The following APBB1IP variants were observed in gnomAD, a reference collection of about 807,000 sequenced individuals.
APBB1IP encodes amyloid beta A4 precursor protein-binding family B member 1-interacting protein.
Under a neutral mutation model 64.9 loss-of-function variants are expected in APBB1IP, and 27 were observed. That is an observed-to-expected ratio of 0.42 (90% CI 0.31 to 0.57). APBB1IP has a LOEUF of 0.57. Among genes scored for constraint, APBB1IP ranks in the 20% least tolerant of loss-of-function variants. APBB1IP has a pLI of 0.20. For missense variants in APBB1IP, 812 were observed against 845.5 expected (o/e 0.96, Z 0.49); for synonymous variants, 392 against 331.0 (o/e 1.18, Z -2.00).
At position 26,501,094 on chromosome 10, in the gene APBB1IP, C is replaced by G. The variant is rs769724583; in HGVS notation, c.436C>G (p.Pro146Ala). ...VLDLPLPPPP[P>A]EPLSQEEEEA... ...AGACCTTCCACTGCCACCACCACCT[C>G]CTGAACCTCTCTCTCAGGTAAGTAT... The change falls in exon 5 of 15, where the codon CCT (proline) becomes GCT (alanine). Residue 146 changes from proline to alanine, a missense_variant. By Grantham distance (27) the Pro-to-Ala change is conservative. Around this residue, in one of 3 missense-constraint regions of APBB1IP, gnomAD observed 394 missense variants for 413.1 expected, o/e 0.95. Coordinates refer to ENST00000376236, the MANE Select transcript of APBB1IP (RefSeq NM_019043.4). The G allele has an allele frequency of 6.2e-7, 1 of 1,614,210 alleles. No homozygotes were observed. The highest frequency in any genetic ancestry group is 1.7e-5 in the Admixed American group (1 of 60,018).
intron 9 of APBB1IP, among the ~76,000 whole-genome samples, chr10:26,535,047 A>G (rs752050370): frequency 6.6e-6 from 1 of 152,166 alleles, no homozygotes; most frequent in Non-Finnish European, 1.5e-5. Context: ...GAGGATGTTG[A>G]GAGTTATAAA....
chr10:26,540,510 AT>A (rs1225692687), intron 10 of APBB1IP, among the ~76,000 whole-genome samples: 13 of 151,882 alleles, frequency 8.6e-5, no homozygotes, highest in Non-Finnish European at 1.3e-4. Context: ...ATTTATATAT[AT>A]ATATATTTTA....
Position 26,524,974 on chromosome 10 carries a change from T to TTTTTTTTTA in APBB1IP, c.814-8465_814-8464insTTTTTTTTA, listed in dbSNP as rs1554778195. Among the ~76,000 whole-genome samples, 418 of 126,650 alleles carry TTTTTTTTTA rather than the reference T, an allele frequency of 3.3e-3. 10 individuals are homozygous for TTTTTTTTTA. Among genetic ancestry groups the TTTTTTTTTA allele is most frequent in the African/African-American group, 9.7e-3 (352 of 36,254 alleles). The allele number at this position is 126,650 out of a possible 152,430, so 83.1% of individuals were successfully genotyped here. On this transcript the variant is annotated intron_variant, in intron 8 of 14. Transcript: ENST00000376236. Reference sequence around the variant, plus strand: ...TTCTTTCTTTTTTTTTTTTTTTTTTTATAAAAAAAGGAATCCTGGCAAGAG... The same window carrying TTTTTTTTTA: ...TTCTTTCTTTTTTTTTTTTTTTTTTTTTTTTTTTAATAAAAAAAGGAATCCTGGCAAGAG...
chr10:26,474,787 G>C (rs1835757059), intron 2 of APBB1IP, among the ~76,000 whole-genome samples: 2 of 152,188 alleles, frequency 1.3e-5, no homozygotes, highest in Admixed American at 6.5e-5. Flanking sequence ...CTACATCATT[G>C]CTCAAAATCT....
intron 10 of APBB1IP, among the ~76,000 whole-genome samples, chr10:26,536,853 C>T (rs1004995582): frequency 2.5e-4 from 38 of 151,848 alleles, no homozygotes; most frequent in Non-Finnish European, 3.8e-4. Flanking sequence ...GCAATCTGCC[C>T]GCCTCACTCA....
At chr10:26,511,972 T>G in intron 7 of APBB1IP, 66 bp downstream of exon 7, 1 of 1,545,200 alleles carries the variant, frequency 6.5e-7, no homozygotes. Flanking sequence ...ATAATGGGCT[T>G]GGGTTTATTC....
intron 8 of APBB1IP, among the ~76,000 whole-genome samples, chr10:26,524,956 T>TC (rs1554778197): frequency 4.4e-5 from 1 of 22,636 alleles, no homozygotes; most frequent in Non-Finnish European, 9.7e-5. Flanking sequence ...TCTTTCTTTC[T>TC]TTTTTTTTTT....
chr10:26,466,039 G>A (rs1835644663), intron 2 of APBB1IP, among the ~76,000 whole-genome samples: 1 of 152,172 alleles, frequency 6.6e-6, no homozygotes, highest in Non-Finnish European at 1.5e-5. Flanking sequence ...CATGATGTCT[G>A]TGACCTCAGC....
At chr10:26,547,403 GTCTT>G (rs1199305209) in intron 11 of APBB1IP, among the ~76,000 whole-genome samples, 1 of 151,698 alleles carries the variant, frequency 6.6e-6, no homozygotes, top group Non-Finnish European at 1.5e-5. Context: ...ACCGTTTTGG[GTCTT>G]TCTTTTTGTT....
chr10:26,566,834 G>A (rs1461034201), intron 14 of APBB1IP, 127 bp from the exon 15 acceptor site: 1 of 1,083,552 alleles, frequency 9.2e-7, no homozygotes, highest in Non-Finnish European at 1.3e-6. Context: ...GCTGCAGTAA[G>A]TCCAGATCGC....
At chr10:26,446,695 G>A (rs369300505) in intron 2 of APBB1IP, among the ~76,000 whole-genome samples, 7 of 152,142 alleles carry the variant, frequency 4.6e-5, no homozygotes, top group African/African-American at 1.4e-4. Context: ...TAGGGGGCAC[G>A]TGTAGCTAAA....
At chr10:26,519,650 C>T (rs778269322) in intron 8 of APBB1IP, among the ~76,000 whole-genome samples, 5 of 152,132 alleles carry the variant, frequency 3.3e-5, no homozygotes, top group African/African-American at 9.7e-5. Flanking sequence ...TGTAACATAG[C>T]GGGAAGCAGA....
At chr10:26,479,786 C>T (rs1835814597) in intron 2 of APBB1IP, among the ~76,000 whole-genome samples, 1 of 152,194 alleles carries the variant, frequency 6.6e-6, no homozygotes, top group African/African-American at 2.4e-5. Flanking sequence ...AGTGTCTCCT[C>T]CAGCATGGCT....
intron 2 of APBB1IP, among the ~76,000 whole-genome samples, chr10:26,485,876 T>A (rs1835884733): frequency 6.6e-6 from 1 of 152,000 alleles, no homozygotes; most frequent in Non-Finnish European, 1.5e-5. Context: ...AGGATATTAT[T>A]TAAAGGGAAT....
At chr10:26,462,507 T>C (rs1188740433) in intron 2 of APBB1IP, among the ~76,000 whole-genome samples, 3 of 152,226 alleles carry the variant, frequency 2.0e-5, no homozygotes, top group African/African-American at 7.2e-5. Flanking sequence ...GATCATATAG[T>C]ATCTCATTTA....
chr10:26,546,349 G>A (rs1430015763), intron 11 of APBB1IP, among the ~76,000 whole-genome samples: 1 of 152,148 alleles, frequency 6.6e-6, no homozygotes, highest in East Asian at 1.9e-4. Context: ...ACATTGCTAG[G>A]CCCCCAGGGT....
At chr10:26,442,951 C>G (rs1228920081) in intron 2 of APBB1IP, among the ~76,000 whole-genome samples, 1 of 152,142 alleles carries the variant, frequency 6.6e-6, no homozygotes, top group Non-Finnish European at 1.5e-5. Flanking sequence ...TCCACCGACT[C>G]TGGGTGGTCA....
intron 11 of APBB1IP, among the ~76,000 whole-genome samples, chr10:26,545,564 T>C (rs1245310337): frequency 6.6e-6 from 1 of 151,890 alleles, no homozygotes; most frequent in Admixed American, 6.6e-5. Context: ...ATCGAGACCA[T>C]CCTGGCTAAC....
At chr10:26,494,955 T>A (rs1836001758) in intron 3 of APBB1IP, among the ~76,000 whole-genome samples, 1 of 151,674 alleles carries the variant, frequency 6.6e-6, no homozygotes, top group African/African-American at 2.4e-5. Flanking sequence ...GAGGAAGGGG[T>A]GCTGGTTAAA....
Sources: allele counts gnomAD v4.1 joint callset (sites outside exome capture counted in the v4.1 genomes callset), GRCh38; gene constraint gnomAD v4.1.1; regional missense constraint gnomAD v4.1.1; transcripts MANE v1.5; gene names NCBI Gene and HGNC (gene_info 2026-07-23, HGNC 2026-07-21).